Variants in CSMD2 observed in about 807,000 individuals in gnomAD.
CSMD2 encodes CUB and sushi domain-containing protein 2.
CSMD2 carries 130 observed loss-of-function variants against 398.5 expected under a neutral mutation model. That is an observed-to-expected ratio of 0.33 (90% CI 0.28 to 0.38). CSMD2 has a LOEUF of 0.38. Among genes scored for constraint, CSMD2 ranks in the 10% least tolerant of loss-of-function variants. The probability of loss-of-function intolerance (pLI) is 1.00; values close to 1 mark genes in which losing one functional copy is unlikely to be tolerated. For synonymous variants in CSMD2, 1,828 were observed against 1,908.5 expected (o/e 0.96, Z 1.10); for missense variants, 3,829 against 4,764.9 (o/e 0.80, Z 5.78).
At chr1:33,895,586 C>T (rs867718246) in intron 5 of CSMD2, among the ~76,000 whole-genome samples, 2 of 152,110 alleles carry the variant, frequency 1.3e-5, no homozygotes, top group Admixed American at 6.5e-5. Flanking sequence ...TGGGGAAGCG[C>T]GGCTTGAGGC....
intron 3 of CSMD2, among the ~76,000 whole-genome samples, chr1:34,006,325 C>T (rs1647054407): frequency 6.6e-6 from 1 of 152,050 alleles, no homozygotes; most frequent in South Asian, 2.1e-4. Context: ...ATTCTGTGTC[C>T]CCAAGACCCC....
intron 5 of CSMD2, among the ~76,000 whole-genome samples, chr1:33,916,297 G>A (rs1643719342): frequency 6.6e-6 from 1 of 152,122 alleles, no homozygotes; most frequent in Admixed American, 6.5e-5. Flanking sequence ...CATCAAAATT[G>A]TAATAATTTT....
rs140577472 is a variant in CSMD2, at chr1:33,636,305, G to A, written c.4969+55C>T. ...CCTTCCCCAGCCCACAGCACCCTCT[G>A]CCCCTGGCATGCCCTCAGTTCCTCA... is the stretch of plus-strand genomic sequence containing the variant. On this transcript the variant is annotated intron_variant, in intron 30 of 70. Transcript: ENST00000373381. This position sits in a 1 kb window ranked among gnomAD's most constrained non-coding sequence, Gnocchi z 4.8. The A allele has an allele frequency of 3.6e-3, 5,454 of 1,495,422 alleles. 21 individuals carry two copies. Among genetic ancestry groups the A allele is most frequent in the Middle Eastern group, 5.1e-3 (24 of 4,668 alleles). The allele number at this position is 1,495,422 out of a possible 1,614,324, so 92.6% of individuals were successfully genotyped here.
intron 5 of CSMD2, among the ~76,000 whole-genome samples, chr1:33,853,354 G>A (rs1011533080): frequency 2.6e-5 from 4 of 152,172 alleles, no homozygotes; most frequent in African/African-American, 7.2e-5. Flanking sequence ...CTCCCCTCAT[G>A]TAATTTACCC....
rs532646064 is a variant in CSMD2 at position 33,942,422 on chromosome 1, C to T, written c.518-6468G>A. Among the ~76,000 whole-genome samples, 5 of 152,368 alleles carry T rather than the reference C, an allele frequency of 3.3e-5. No individual in the cohort carries two copies. In the East Asian group the frequency reaches 9.6e-4, roughly 29 times the overall value. ...GGTTGGTCCTGTATATTTCCTGCTA[C>T]CTGTCAATCAAATAGAGGCAGAGGT... On this transcript the variant is annotated intron_variant, in intron 3 of 70. Transcript: ENST00000373381.
intron 13 of CSMD2, among the ~76,000 whole-genome samples, chr1:33,753,506 T>C (rs1427975095): frequency 6.6e-6 from 1 of 152,304 alleles, no homozygotes; most frequent in East Asian, 1.9e-4. Flanking sequence ...AATTTCTCCA[T>C]AGATTTCAGA....
chr1:33,604,148 C>T lies in CSMD2; in HGVS notation c.6532+1134G>A, dbSNP rs754589862. 4.6e-5 allele frequency among the ~76,000 whole-genome samples: 7 copies of T among 152,292 alleles called. No individual in the cohort carries two copies. The South Asian group carries it at 8.3e-4, about 18-fold the overall frequency. On this transcript the variant is annotated intron_variant, in intron 42 of 70. Transcript: ENST00000373381. ...GGCTCAAGCTAGCAGACTGAGAAAG[C>T]GCTGCTCTTTTCTCTCTCCTGTGAT...
chr1:33,773,016 T>G lies in CSMD2; in HGVS notation c.1664-265A>C, dbSNP rs16835876. Reference sequence around the variant, plus strand: ...GTCCACATAAAGTGTTCTAGATGCTTGGATGTTTTGATCCCTTACCCCTCC... The same window carrying G: ...GTCCACATAAAGTGTTCTAGATGCTGGGATGTTTTGATCCCTTACCCCTCC... On this transcript the variant is annotated intron_variant, in intron 12 of 70. Coordinates refer to ENST00000373381, the MANE Select transcript of CSMD2 (RefSeq NM_001281956.2). 5.9e-3 allele frequency among the ~76,000 whole-genome samples: 906 copies of G among 152,304 alleles called. 8 individuals carry two copies. Among genetic ancestry groups the G allele is most frequent in the African/African-American group, 0.02 (830 of 41,562 alleles).
intron 29 of CSMD2, among the ~76,000 whole-genome samples, chr1:33,638,973 T>A (rs975769022): frequency 6.6e-6 from 1 of 152,256 alleles, no homozygotes; most frequent in Non-Finnish European, 1.5e-5. Flanking sequence ...CATATTCCAG[T>A]GTCTGTCACA....
intron 25 of CSMD2, among the ~76,000 whole-genome samples, chr1:33,672,573 G>A (rs376395508): frequency 1.3e-5 from 2 of 152,214 alleles, no homozygotes; most frequent in East Asian, 3.9e-4. Context: ...AGTAACCTCT[G>A]CAGACTTAAA....
At chr1:33,994,745 T>C (rs1646672038) in intron 3 of CSMD2, among the ~76,000 whole-genome samples, 1 of 152,168 alleles carries the variant, frequency 6.6e-6, no homozygotes, top group African/African-American at 2.4e-5. Flanking sequence ...ATTGGCCTCA[T>C]TCATAGATCA....
At chr1:33,747,759 T>C (rs1021314120) in intron 13 of CSMD2, among the ~76,000 whole-genome samples, 4 of 152,176 alleles carry the variant, frequency 2.6e-5, no homozygotes, top group African/African-American at 7.2e-5. Flanking sequence ...TGGGCCAAGA[T>C]AGCTCAGGCT....
chr1:33,848,622 G>T (rs894906825), intron 5 of CSMD2, among the ~76,000 whole-genome samples: 1 of 152,134 alleles, frequency 6.6e-6, no homozygotes, highest in South Asian at 2.1e-4. Flanking sequence ...GGAGCTTCAC[G>T]CACTGCAAAA....
At chr1:33,589,771 G>T (rs745944860) in intron 44 of CSMD2, among the ~76,000 whole-genome samples, 7 of 152,152 alleles carry the variant, frequency 4.6e-5, no homozygotes, top group Non-Finnish European at 8.8e-5. Flanking sequence ...AGCTATGAAA[G>T]ACTTTCTTTG....
At chr1:33,964,555 TG>T (rs1645490128) in intron 3 of CSMD2, among the ~76,000 whole-genome samples, 1 of 152,222 alleles carries the variant, frequency 6.6e-6, no homozygotes, top group African/African-American at 2.4e-5. Flanking sequence ...TGACTTGTTT[TG>T]AGATAATTTT....
At chr1:33,679,225 T>G (rs548885162) in intron 25 of CSMD2, among the ~76,000 whole-genome samples, 1 of 130,836 alleles carries the variant, frequency 7.6e-6, no homozygotes, top group South Asian at 2.7e-4. Context: ...TTTTTTGAGA[T>G]AGAGTCTTGC....
At chr1:33,821,720 C>A (rs1030678004) in intron 7 of CSMD2, among the ~76,000 whole-genome samples, 1 of 152,168 alleles carries the variant, frequency 6.6e-6, no homozygotes, top group Admixed American at 6.5e-5. Flanking sequence ...TCAGATAAGA[C>A]CACTGTCCTC....
chr1:33,869,986 A>T (rs1344080298), intron 5 of CSMD2, among the ~76,000 whole-genome samples: 1 of 152,228 alleles, frequency 6.6e-6, no homozygotes, highest in Non-Finnish European at 1.5e-5. Flanking sequence ...AGTTGGTATC[A>T]GTTGCAAAAC....
chr1:33,550,861 A>G (rs1305695933), intron 55 of CSMD2, among the ~76,000 whole-genome samples: 1 of 152,232 alleles, frequency 6.6e-6, no homozygotes, highest in East Asian at 1.9e-4. Flanking sequence ...ATACTGAAGT[A>G]TAGCTGTGAA....
Sources: allele counts gnomAD v4.1 joint callset (sites outside exome capture counted in the v4.1 genomes callset), GRCh38; gene constraint gnomAD v4.1.1; non-coding constraint Gnocchi (gnomAD v3.1); transcripts MANE v1.5; gene names NCBI Gene and HGNC (gene_info 2026-07-23, HGNC 2026-07-21).